IL1RAPL2: variants seen among roughly 807,000 people sequenced by gnomAD.
The protein encoded by IL1RAPL2 is interleukin 1 receptor accessory protein like 2, also known as X-linked interleukin-1 receptor accessory protein-like 2.
In IL1RAPL2, 3 loss-of-function variants were observed where a neutral mutation model predicts 44.1. The ratio of observed to expected loss-of-function variants is 0.07; its 90% CI spans 0.03 to 0.18. The LOEUF (loss-of-function observed/expected upper bound fraction) is 0.18. Among genes scored for constraint, IL1RAPL2 ranks in the 10% least tolerant of loss-of-function variants. The pLI, the probability that IL1RAPL2 is intolerant of heterozygous loss-of-function variation, is 1.00. For missense variants in IL1RAPL2, 391 were observed against 496.4 expected (o/e 0.79, Z 2.02); for synonymous variants, 181 against 178.8 (o/e 1.01, Z -0.10).
intron 2 of IL1RAPL2, among the ~76,000 whole-genome samples, chrX:105,071,872 G>A (rs144034178): frequency 9.0e-6 from 1 of 111,713 alleles, no homozygotes; most frequent in East Asian, 2.8e-4. Context: ...AACTCAAAAT[G>A]TATCAAAGAC....
At chrX:105,145,267 G>A (rs757011724) in intron 2 of IL1RAPL2, among the ~76,000 whole-genome samples, 5 of 111,503 alleles carry the variant, frequency 4.5e-5, no homozygotes, top group African/African-American at 6.5e-5. Context: ...ATTATGAACC[G>A]TACAGTGTTA....
At chrX:105,751,946 G>T (rs375375355) in intron 9 of IL1RAPL2, among the ~76,000 whole-genome samples, 30 of 111,599 alleles carry the variant, frequency 2.7e-4, no homozygotes, top group African/African-American at 9.4e-4. Flanking sequence ...CATGCTCTAT[G>T]ACAATATCTA....
At chrX:105,037,770 C>A (rs1321377471) in intron 2 of IL1RAPL2, among the ~76,000 whole-genome samples, 1 of 111,773 alleles carries the variant, frequency 8.9e-6, no homozygotes, top group African/African-American at 3.3e-5. Flanking sequence ...TAGGCAAATG[C>A]AACTCATCAA....
chrX:105,744,437 C>T (rs753088680), intron 8 of IL1RAPL2, among the ~76,000 whole-genome samples: 1 of 111,251 alleles, frequency 9.0e-6, no homozygotes, highest in Non-Finnish European at 1.9e-5. Context: ...TAAGATATTT[C>T]CTTTGGAGTT....
At chrX:104,950,699 G>C (rs1371994328) in intron 2 of IL1RAPL2, among the ~76,000 whole-genome samples, 1 of 98,972 alleles carries the variant, frequency 1.0e-5, no homozygotes, top group Non-Finnish European at 2.1e-5. Flanking sequence ...TTGTTTGTTT[G>C]TTTGTTTTTG....
chrX:105,457,089 G>A lies in IL1RAPL2; in HGVS notation c.698-27224G>A, dbSNP rs934328359. On this transcript the variant is annotated intron_variant, in intron 5 of 10. Transcript: ENST00000372582. ...ACACACACACACACACAGAGCTGCT[G>A]AAAGAGGCTAGAGCAGTTTCAATCT... is the stretch of plus-strand genomic sequence containing the variant. Among the ~76,000 whole-genome samples the A allele has an allele frequency of 4.8e-5, 5 of 105,002 alleles. No individual in the cohort carries two copies. The East Asian group carries it at 1.5e-3, about 31-fold the overall frequency. 91.2% of individuals were successfully genotyped at this position (105,002 alleles called of 115,157 possible).
At chrX:104,695,997 G>A (rs780926611) in intron 2 of IL1RAPL2, among the ~76,000 whole-genome samples, 3 of 110,964 alleles carry the variant, frequency 2.7e-5, no homozygotes, top group Admixed American at 1.9e-4. Flanking sequence ...TAGTAGAGAC[G>A]GGGTTTCACC....
At chrX:105,284,846 A>C (rs965650257) in intron 5 of IL1RAPL2, among the ~76,000 whole-genome samples, 10 of 111,441 alleles carry the variant, frequency 9.0e-5, no homozygotes, top group Non-Finnish European at 1.7e-4. Context: ...GACTGAGTGA[A>C]GCCAGGGGTG....
chrX:104,681,390 C>T (rs1271875738), intron 2 of IL1RAPL2, among the ~76,000 whole-genome samples: 3 of 112,032 alleles, frequency 2.7e-5, no homozygotes, highest in African/African-American at 9.7e-5. Context: ...TGTGTTATTA[C>T]TCTTTGGTGA....
intron 2 of IL1RAPL2, among the ~76,000 whole-genome samples, chrX:105,001,210 T>C (rs962066676): frequency 1.8e-5 from 2 of 111,768 alleles, no homozygotes; most frequent in East Asian, 5.7e-4. Flanking sequence ...TTTGGTCCTA[T>C]TGACCCCTTA....
At chrX:105,103,785 G>A (rs2032701651) in intron 2 of IL1RAPL2, among the ~76,000 whole-genome samples, 1 of 111,497 alleles carries the variant, frequency 9.0e-6, no homozygotes, top group African/African-American at 3.3e-5. Context: ...TTGCTAACCA[G>A]GACTAGCACA....
intron 2 of IL1RAPL2, among the ~76,000 whole-genome samples, chrX:104,764,147 G>A (rs778488963): frequency 1.8e-5 from 2 of 110,319 alleles, no homozygotes; most frequent in South Asian, 7.8e-4. Flanking sequence ...AGATTGCTTT[G>A]GGCTGTATGG....
chrX:105,533,763 T>A (rs2036657761), intron 6 of IL1RAPL2, among the ~76,000 whole-genome samples: 1 of 112,413 alleles, frequency 8.9e-6, no homozygotes, highest in Admixed American at 9.4e-5. Flanking sequence ...ATCTAAATTG[T>A]TGCATATATT....
chrX:104,867,236 CA>C (rs35810207), intron 2 of IL1RAPL2, among the ~76,000 whole-genome samples: 8,552 of 43,738 alleles, frequency 0.2, 342 homozygotes, highest in African/African-American at 0.31. Flanking sequence ...GTCTCTGTCT[CA>C]AAAAAAAAAA....
intron 6 of IL1RAPL2, among the ~76,000 whole-genome samples, chrX:105,546,222 A>C (rs2036797235): frequency 8.9e-6 from 1 of 111,804 alleles, no homozygotes; most frequent in South Asian, 3.8e-4. Context: ...ACTGCTTTTC[A>C]TGTGGTATTT....
At chrX:105,721,012 A>G (rs1354119014) in intron 7 of IL1RAPL2, among the ~76,000 whole-genome samples, 1 of 111,345 alleles carries the variant, frequency 9.0e-6, no homozygotes, top group Non-Finnish European at 1.9e-5. Context: ...ATGAATGGTC[A>G]TAGCAGCTTT....
chrX:104,717,461 AAAG>A (rs940416491), intron 2 of IL1RAPL2, among the ~76,000 whole-genome samples: 1 of 109,097 alleles, frequency 9.2e-6, no homozygotes, highest in African/African-American at 3.3e-5. Flanking sequence ...AAAAAAAAAA[AAAG>A]AACATTTTGA....
intron 2 of IL1RAPL2, among the ~76,000 whole-genome samples, chrX:105,159,497 G>T (rs2033302203): frequency 8.9e-6 from 1 of 112,345 alleles, no homozygotes. Flanking sequence ...GAATGGCTTG[G>T]TTTTTCTGTA....
Position 104,775,251 on chromosome X carries a change from C to T in IL1RAPL2, c.82+116256C>T, listed in dbSNP as rs185376940. Among the ~76,000 whole-genome samples the T allele has an allele frequency of 4.6e-4, 52 of 112,338 alleles. 3 individuals are homozygous for T. In the East Asian group the frequency reaches 4.7e-3, roughly 10 times the overall value. On this transcript the variant is annotated intron_variant, in intron 2 of 10. Coordinates refer to ENST00000372582, the MANE Select transcript of IL1RAPL2 (RefSeq NM_017416.2). Reference sequence around the variant, plus strand: ...AGTTATCTTACAAGCTGTCTACAATCAGGGTGGATGGTGTTTTAGAATAGA... The same window carrying T: ...AGTTATCTTACAAGCTGTCTACAATTAGGGTGGATGGTGTTTTAGAATAGA...
Sources: allele counts gnomAD v4.1 joint callset (sites outside exome capture counted in the v4.1 genomes callset), GRCh38; gene constraint gnomAD v4.1.1; transcripts MANE v1.5; gene names NCBI Gene and HGNC (gene_info 2026-07-23, HGNC 2026-07-21).